The following CCDC3 variants were observed in gnomAD, a reference collection of about 807,000 sequenced individuals.
CCDC3 encodes the protein coiled-coil domain containing 3, also known as coiled-coil domain-containing protein 3.
CCDC3 carries 24 observed loss-of-function variants against 21.4 expected under a neutral mutation model. The observed-to-expected ratio is 1.12, with a 90% CI of 0.81 to 1.58. The LOEUF (loss-of-function observed/expected upper bound fraction) is 1.58, where lower values mean the gene tolerates loss of function less well. CCDC3 is among the 40% of genes most tolerant of loss of function. The probability of loss-of-function intolerance (pLI) is 0.00; values close to 1 mark genes in which losing one functional copy is unlikely to be tolerated. For missense variants in CCDC3, 425 were observed against 360.9 expected (o/e 1.18, Z -1.44); for synonymous variants, 186 against 166.0 (o/e 1.12, Z -0.93).
At chr10:12,975,328 C>G (rs1835399792) in intron 2 of CCDC3, among the ~76,000 whole-genome samples, 1 of 152,158 alleles carries the variant, frequency 6.6e-6, no homozygotes, top group Non-Finnish European at 1.5e-5. Flanking sequence ...GGAAACAAAC[C>G]AAGATTCATT....
intron 2 of CCDC3, among the ~76,000 whole-genome samples, chr10:12,982,792 C>CAAA (rs61685162): frequency 3.8e-5 from 2 of 52,950 alleles, no homozygotes; most frequent in Non-Finnish European, 6.9e-5. Context: ...GACTCTGTCT[C>CAAA]AAAAAAAAAA....
intron 2 of CCDC3, among the ~76,000 whole-genome samples, chr10:12,987,864 G>A (rs565196492): frequency 5.5e-4 from 83 of 152,118 alleles, no homozygotes; most frequent in Non-Finnish European, 8.2e-4. Flanking sequence ...ATATCCCAGA[G>A]CCAGCCATTT....
intron 2 of CCDC3, among the ~76,000 whole-genome samples, chr10:12,981,530 C>T (rs533649616): frequency 6.6e-6 from 1 of 152,128 alleles, no homozygotes; most frequent in African/African-American, 2.4e-5. Flanking sequence ...TACTGAGGCT[C>T]TCTGGAGAGG....
At chr10:12,969,207 C>T (rs978747194) in intron 2 of CCDC3, among the ~76,000 whole-genome samples, 1 of 152,032 alleles carries the variant, frequency 6.6e-6, no homozygotes, top group African/African-American at 2.4e-5. Context: ...TAAGAAAATG[C>T]TCAACATCAC....
At chr10:13,058,475 T>A in intron 4 of CCDC3, 1 of 754,258 alleles carries the variant, frequency 1.3e-6, no homozygotes, top group Non-Finnish European at 2.4e-6. Flanking sequence ...CCCCTCAATA[T>A]GGCCTAAGCA....
intron 2 of CCDC3, among the ~76,000 whole-genome samples, chr10:12,914,192 A>G (rs1180052065): frequency 6.6e-6 from 1 of 152,220 alleles, no homozygotes; most frequent in East Asian, 1.9e-4. Flanking sequence ...TTTAGTAGCA[A>G]AGCCATCAGA....
chr10:12,976,299 T>G (rs1835416994), intron 2 of CCDC3, among the ~76,000 whole-genome samples: 1 of 152,216 alleles, frequency 6.6e-6, no homozygotes, highest in South Asian at 2.1e-4. Context: ...CATTCGTTCA[T>G]TCATTCATTC....
At chr10:13,046,032 A>T (rs1210798546) in intron 5 of CCDC3, among the ~76,000 whole-genome samples, 1 of 152,102 alleles carries the variant, frequency 6.6e-6, no homozygotes, top group Non-Finnish European at 1.5e-5. Context: ...CAGAGGTTGC[A>T]GTAAGCTGAG....
rs777317994 is a variant in CCDC3 at position 12,998,442 on chromosome 10, CTT to C, written c.443_444del (p.Gln148ArgfsTer8). ...AGGCTAGAAAACATCCTTCTGTTCT[CTT>C]GAGTGTCTGGGAAGATGGCATCTTG... Reference protein sequence around the residue: ...NFQDAIFPDTQENRRMFSSLF... With the variant: ...NFQDAIFPDTXENRRMFSSLF... On this transcript the variant is annotated frameshift_variant, in exon 2 of 3. Transcript: ENST00000378825. LOFTEE classifies it high-confidence loss of function. The C allele has an allele frequency of 3.7e-6, 6 of 1,614,146 alleles. No individual in the cohort carries two copies. In the Admixed American group the frequency reaches 8.3e-5, roughly 22 times the overall value.
At chr10:13,002,886 G>A (rs1467581954), upstream of CCDC3, among the ~76,000 whole-genome samples, 2 of 152,178 alleles carry the variant, frequency 1.3e-5, no homozygotes, top group South Asian at 4.1e-4. Flanking sequence ...GTGTCCTCAC[G>A]TGGCCTTCTC....
intron 3 of CCDC3, among the ~76,000 whole-genome samples, chr10:13,081,286 C>T (rs1426057117): frequency 6.6e-6 from 1 of 152,152 alleles, no homozygotes; most frequent in Non-Finnish European, 1.5e-5. Context: ...TTCCACTTTC[C>T]CTTCCCTCAG....
intron 2 of CCDC3, among the ~76,000 whole-genome samples, chr10:12,963,031 A>G (rs1011551557): frequency 6.6e-6 from 1 of 152,156 alleles, no homozygotes; most frequent in Non-Finnish European, 1.5e-5. Flanking sequence ...AATGGGATCT[A>G]TGCTTTTTAT....
chr10:13,096,468 G>A (rs1439395738), intron 3 of CCDC3, among the ~76,000 whole-genome samples: 1 of 152,082 alleles, frequency 6.6e-6, no homozygotes, highest in African/African-American at 2.4e-5. Flanking sequence ...CACCGCCCTG[G>A]GCCTCTTTAC....
intron 2 of CCDC3, among the ~76,000 whole-genome samples, chr10:12,925,157 GC>G (rs1056517298): frequency 6.6e-6 from 1 of 152,150 alleles, no homozygotes; most frequent in African/African-American, 2.4e-5. Context: ...CAACTGGGGA[GC>G]AAAAACCCTG....
intron 4 of CCDC3, among the ~76,000 whole-genome samples, chr10:13,071,861 T>C (rs1028197008): frequency 2.6e-5 from 4 of 152,134 alleles, no homozygotes; most frequent in Non-Finnish European, 5.9e-5. Flanking sequence ...TTTTTCCTTT[T>C]TTTTTCCTCT....
intron 3 of CCDC3, among the ~76,000 whole-genome samples, chr10:13,098,254 T>C (rs1011812544): frequency 6.6e-6 from 1 of 152,264 alleles, no homozygotes; most frequent in Non-Finnish European, 1.5e-5. Flanking sequence ...GTGACCTTCT[T>C]CTCTTGGCTC....
In CCDC3 at chr10:12,898,196, G is replaced by A. The variant is rs1834030973; in HGVS notation, c.*220C>T. ...CTGCCTCTGGACTGCCAGGCACTGC[G>A]TCTGGGGTCAGGCCAGGAAGGGGCA... On this transcript the variant is annotated 3_prime_UTR_variant, in exon 3 of 3. Coordinates refer to ENST00000378825, the MANE Select transcript of CCDC3 (RefSeq NM_031455.4). 5 of 591,202 alleles carry A rather than the reference G, an allele frequency of 8.5e-6. No homozygotes were observed. The highest frequency in any genetic ancestry group is 1.9e-5 in the African/African-American group (1 of 53,888). 36.6% of individuals were successfully genotyped at this position (591,202 alleles called of 1,614,324 possible).
At chr10:12,959,689 G>A (rs2131255617) in intron 2 of CCDC3, among the ~76,000 whole-genome samples, 1 of 152,220 alleles carries the variant, frequency 6.6e-6, no homozygotes, top group East Asian at 1.9e-4. Flanking sequence ...CAAACTCCTT[G>A]GTTTATAGCC....
intron 5 of CCDC3, among the ~76,000 whole-genome samples, chr10:13,040,292 T>C (rs1396005790): frequency 1.3e-5 from 2 of 152,182 alleles, no homozygotes; most frequent in Admixed American, 6.6e-5. Context: ...AATTTAATAT[T>C]TGTGACACCG....
Sources: gnomAD v4.1 joint callset for allele counts (sites outside exome capture counted in the v4.1 genomes callset) on GRCh38, gnomAD v4.1.1 for gene constraint, MANE v1.5 for transcripts, NCBI Gene and HGNC (gene_info 2026-07-23, HGNC 2026-07-21) for gene names.